Variants in DGKH observed in about 807,000 individuals in gnomAD.
DGKH encodes DAG kinase eta.
In DGKH, 90 loss-of-function variants were observed where a neutral mutation model predicts 159.3. The observed-to-expected ratio is 0.57, with a 90% CI of 0.48 to 0.67. The LOEUF is 0.67. Ranked by LOEUF, DGKH falls within the 30% of genes least tolerant of loss-of-function variation. The pLI, the probability that DGKH is intolerant of heterozygous loss-of-function variation, is 0.00. For synonymous variants in DGKH, 536 were observed against 553.8 expected, an observed-to-expected ratio of 0.97 and a Z score of 0.45; for missense variants, 1,181 against 1,506.1, an observed-to-expected ratio of 0.78 and a Z score of 3.57.
Position 42,221,293 on chromosome 13 carries a change from G to A in DGKH, c.3472G>A (p.Ala1158Thr). ...GAAATGGGGCACAGAGGAAGTTGCT[G>A]CTTGGCTGGATCTGCTCAATTTGGG... ...VQKWGTEEVAAWLDLLNLGEY... is the reference protein window; with the variant it reads ...VQKWGTEEVATWLDLLNLGEY... The change falls in exon 29 of 30, where the codon GCT becomes ACT. Residue 1158 changes from alanine (A) to threonine (T), a missense_variant. By Grantham distance (58) the Ala-to-Thr change is moderately conservative. Coordinates refer to ENST00000337343, the MANE Select transcript of DGKH (RefSeq NM_178009.5). The A allele has an allele frequency of 6.2e-7, 1 of 1,613,692 alleles. No homozygotes were observed. Among genetic ancestry groups the A allele is most frequent in the Non-Finnish European group, 8.5e-7 (1 of 1,179,656 alleles).
In DGKH at chr13:42,178,237, A is replaced by C; in HGVS notation, c.1538+17A>C. 1 of 1,564,788 alleles carries C rather than the reference A, an allele frequency of 6.4e-7. No individual in the cohort carries two copies. The highest frequency in any genetic ancestry group is 8.7e-7 in the Non-Finnish European group (1 of 1,148,212). The stretch of plus-strand genomic sequence containing the variant: ...TTCTGCCAAGTGAGTTGTGGGTTTT[A>C]AGTCTTTAAATATGGTGAAAATGAA... On this transcript the variant is annotated intron_variant, in intron 13 of 29. Coordinates refer to ENST00000337343, the MANE Select transcript of DGKH (RefSeq NM_178009.5).
At chr13:42,122,040 A>G (rs1594056583) in intron 1 of DGKH, among the ~76,000 whole-genome samples, 1 of 152,064 alleles carries the variant, frequency 6.6e-6, no homozygotes, top group Middle Eastern at 3.4e-3. Flanking sequence ...TTTCCCCACT[A>G]CCCCAATTAG....
At chr13:42,073,475 C>T (rs1883108614) in intron 1 of DGKH, among the ~76,000 whole-genome samples, 1 of 152,116 alleles carries the variant, frequency 6.6e-6, no homozygotes, top group African/African-American at 2.4e-5. Flanking sequence ...TACAACTATT[C>T]TGTTTTTCAC....
chr13:42,074,756 T>A (rs528385337), intron 1 of DGKH, among the ~76,000 whole-genome samples: 1 of 152,280 alleles, frequency 6.6e-6, no homozygotes, highest in East Asian at 1.9e-4. Context: ...CAAAGACTAA[T>A]GAAACACGTC....
At chr13:42,207,147 T>TC (rs1957523732) in intron 21 of DGKH, among the ~76,000 whole-genome samples, 10 of 66,562 alleles carry the variant, frequency 1.5e-4, no homozygotes, top group Non-Finnish European at 2.3e-4. Context: ...CCTTCCTTCC[T>TC]TCCTTCCTTC....
intron 1 of DGKH, among the ~76,000 whole-genome samples, chr13:42,103,258 C>T (rs1314523474): frequency 6.6e-6 from 1 of 152,152 alleles, no homozygotes; most frequent in African/African-American, 2.4e-5. Context: ...TGTGGTGGTG[C>T]AGGAGCCCTT....
In DGKH at chr13:42,105,033, AT is replaced by A. The variant is rs1954721047; in HGVS notation, c.193-22429del. ...TATGTACATACATATGTATGTATGT[AT>A]GTATGTATGTATGTGTAGTTTTAAA... On this transcript the variant is annotated intron_variant, in intron 1 of 29. Coordinates refer to ENST00000337343, the MANE Select transcript of DGKH (RefSeq NM_178009.5). Among the ~76,000 whole-genome samples, 8 of 152,126 alleles carry A rather than the reference AT, an allele frequency of 5.3e-5. No individual in the cohort carries two copies. The South Asian group carries it at 1.5e-3, about 28-fold the overall frequency.
intron 1 of DGKH, among the ~76,000 whole-genome samples, chr13:42,043,176 A>G (rs780365365): frequency 6.6e-6 from 1 of 152,128 alleles, no homozygotes; most frequent in Admixed American, 6.5e-5. Flanking sequence ...TTACATACAT[A>G]TGCTTTATAT....
In DGKH at chr13:42,189,161, T is replaced by C; in HGVS notation, c.1764T>C (p.Ser588=). The change falls in exon 15 of 30, where the codon AGT becomes AGC. Residue 588 remains serine (S), a synonymous_variant. Coordinates refer to ENST00000337343, the MANE Select transcript of DGKH (RefSeq NM_178009.5). ...AAGAAGATGCTGTGGAATCGTCCAG[T>C]GAAGAGTCCCTGGGTGAAAGCAAAG... ...IVEEDAVESS[S]EESLGESKEQ... is the part of the protein sequence containing the mutation. 1 of 1,614,192 alleles carries C rather than the reference T, an allele frequency of 6.2e-7. No individual in the cohort carries two copies. Among genetic ancestry groups the C allele is most frequent in the South Asian group, 1.1e-5 (1 of 91,080 alleles).
Position 42,207,066 on chromosome 13 carries a change from T to C in DGKH, c.2601+920T>C, listed in dbSNP as rs9594706. ...CCTTCTTTCCTTCTTTCCTTCCTTC[T>C]TTCTTTCTTTCTTTCTTTCTTTCTT... On this transcript the variant is annotated intron_variant, in intron 21 of 29. Coordinates refer to ENST00000337343, the MANE Select transcript of DGKH (RefSeq NM_178009.5). Among the ~76,000 whole-genome samples, 662 of 84,676 alleles carry C rather than the reference T, an allele frequency of 7.8e-3. 69 individuals carry two copies. Among genetic ancestry groups the C allele is most frequent in the East Asian group, 0.028 (86 of 3,126 alleles). The allele number at this position is 84,676 out of a possible 152,430, so 55.6% of individuals were successfully genotyped here.
At position 42,155,409 on chromosome 13, in the gene DGKH, T is replaced by C. The variant is rs774235073; in HGVS notation, c.489+14T>C. On this transcript the variant is annotated intron_variant, in intron 4 of 29. Transcript: ENST00000337343. The stretch of plus-strand genomic sequence containing the variant: ...GAACCCTACGAGGTAAAATAGCATC[T>C]TTTCTTTCATCTCGTGTTCTTAGGA... 9.9e-5 allele frequency: 159 copies of C among 1,602,470 alleles called. No individual in the cohort carries two copies. Among genetic ancestry groups the C allele is most frequent in the Admixed American group, 2.1e-4 (12 of 58,490 alleles).
At chr13:42,107,943 G>T (rs756920164) in intron 1 of DGKH, among the ~76,000 whole-genome samples, 7 of 152,144 alleles carry the variant, frequency 4.6e-5, no homozygotes, top group Non-Finnish European at 1.0e-4. Context: ...TGTCTAAAAT[G>T]GTACTTTCTG....
chr13:42,138,006 A>G, intron 3 of DGKH: 2 of 808,320 alleles, frequency 2.5e-6, no homozygotes, highest in Non-Finnish European at 3.0e-6. Flanking sequence ...GAGTCATCTG[A>G]TAGAACAGGC....
At chr13:42,093,992 A>C (rs1954473487) in intron 1 of DGKH, among the ~76,000 whole-genome samples, 1 of 151,342 alleles carries the variant, frequency 6.6e-6, no homozygotes, top group South Asian at 2.1e-4. Flanking sequence ...TTAAGATGGT[A>C]AATTTTGTCA....
At position 42,209,535 on chromosome 13, in the gene DGKH, T is replaced by C. The variant is rs146358502; in HGVS notation, c.2850+70T>C. 5.4e-3 allele frequency: 7,751 copies of C among 1,433,218 alleles called. 31 individuals are homozygous for C. Among genetic ancestry groups the C allele is most frequent in the Non-Finnish European group, 6.2e-3 (6,695 of 1,083,698 alleles). 88.8% of individuals were successfully genotyped at this position (1,433,218 alleles called of 1,614,324 possible). On this transcript the variant is annotated intron_variant, in intron 23 of 29. Transcript: ENST00000337343. ...AGAATCTGAAATTGTTATAAAAAAA[T>C]AGAAAATGAAAACATTTAAATTGTC...
intron 3 of DGKH, among the ~76,000 whole-genome samples, chr13:42,134,931 C>T (rs990982717): frequency 2.6e-5 from 4 of 151,878 alleles, no homozygotes; most frequent in African/African-American, 4.8e-5. Context: ...GAGCCGAGAT[C>T]GTGCCACTGC....
At chr13:42,072,456 T>G (rs1459244783) in intron 1 of DGKH, among the ~76,000 whole-genome samples, 1 of 152,206 alleles carries the variant, frequency 6.6e-6, no homozygotes, top group Non-Finnish European at 1.5e-5. Context: ...GATAAATTAT[T>G]GTATTGATGT....
chr13:42,041,876 G>A (rs1245069505), intron 1 of DGKH, among the ~76,000 whole-genome samples: 1 of 152,220 alleles, frequency 6.6e-6, no homozygotes, highest in African/African-American at 2.4e-5. Flanking sequence ...TTCGGATGCT[G>A]TTTTCCCAGG....
chr13:42,201,793 A>G (rs942261899), intron 20 of DGKH, among the ~76,000 whole-genome samples: 1 of 152,230 alleles, frequency 6.6e-6, no homozygotes. Flanking sequence ...TATGTGTTTC[A>G]TCGTTACCGT....
Sources: gnomAD v4.1 joint callset for allele counts (sites outside exome capture counted in the v4.1 genomes callset) on GRCh38, gnomAD v4.1.1 for gene constraint, MANE v1.5 for transcripts, NCBI Gene and HGNC (gene_info 2026-07-23, HGNC 2026-07-21) for gene names.